NATD1: variants seen among roughly 807,000 people sequenced by gnomAD.
The protein encoded by NATD1 is protein NATD1.
Under a neutral mutation model 12.0 loss-of-function variants are expected in NATD1, and 9 were observed. The observed-to-expected ratio is 0.75, with a 90% confidence interval of 0.45 to 1.30. The LOEUF is 1.30. Ranked by LOEUF, NATD1 falls within the 50% of genes most tolerant of loss-of-function variation. The pLI is 0.00. For missense variants in NATD1, 148 were observed against 148.5 expected, an observed-to-expected ratio of 1.00 and a Z score of 0.02; for synonymous variants, 71 against 65.9, an observed-to-expected ratio of 1.08 and a Z score of -0.37.
At position 21,253,277 on chromosome 17, in the gene NATD1, C is replaced by T; in HGVS notation, c.-13G>A. 1 of 982,948 alleles carries T rather than the reference C, an allele frequency of 1.0e-6. No individual in the cohort carries two copies. Among genetic ancestry groups the T allele is most frequent in the African/African-American group, 1.8e-5 (1 of 56,748 alleles). 60.9% of individuals were successfully genotyped at this position (982,948 alleles called of 1,614,324 possible). A position where few individuals can be genotyped will look rare whatever the true frequency, so the allele number is the denominator to read the frequency against. On this transcript the variant is annotated 5_prime_UTR_variant, in exon 1 of 3. Coordinates refer to ENST00000611551, the MANE Select transcript of NATD1 (RefSeq NM_152914.3). ...CCGAGTGCGCCATCTGCGCGCGGGG[C>T]TGCGGCGCGGCGCCGGCGGGGGCCG...
At chr17:21,248,632 G>C (rs942237241) in intron 1 of NATD1, among the ~76,000 whole-genome samples, 3 of 152,192 alleles carry the variant, frequency 2.0e-5, no homozygotes, top group Admixed American at 2.0e-4. Flanking sequence ...TCACTTCTGG[G>C]CACTGTGGAT....
rs1035448051 is a variant in NATD1, at chr17:21,239,227, C to G, written c.*4086G>C. On this transcript the variant is annotated 3_prime_UTR_variant, in exon 3 of 3. Transcript: ENST00000611551. ...CTGGCTAGCTGCTCACCTTATGGCT[C>G]GAGGCAGGACCCCCCCGCAGCCTTG... 1.8e-5 allele frequency: 1 copy of G among 55,622 alleles called. No individual in the cohort carries two copies. Among genetic ancestry groups the G allele is most frequent in the African/African-American group, 1.4e-4 (1 of 6,946 alleles). 3.4% of individuals were successfully genotyped at this position (55,622 alleles called of 1,614,324 possible). A position where few individuals can be genotyped will look rare whatever the true frequency, so the allele number is the denominator to read the frequency against.
At chr17:21,245,038 A>G (rs902117364) in intron 1 of NATD1, among the ~76,000 whole-genome samples, 1 of 152,208 alleles carries the variant, frequency 6.6e-6, no homozygotes, top group Non-Finnish European at 1.5e-5. Context: ...TCCTACCCCC[A>G]TGAAACCGGA....
At chr17:21,243,786 TA>T (rs1975301314) in intron 2 of NATD1, among the ~76,000 whole-genome samples, 1 of 152,192 alleles carries the variant, frequency 6.6e-6, no homozygotes, top group African/African-American at 2.4e-5. Flanking sequence ...GCTCTGGCTG[TA>T]ACTCCCTTCA....
chr17:21,248,101 T>G (rs920143812), intron 1 of NATD1, among the ~76,000 whole-genome samples: 2 of 152,062 alleles, frequency 1.3e-5, no homozygotes, highest in Non-Finnish European at 2.9e-5. Flanking sequence ...ATGGACACCC[T>G]ACATGGGCCA....
intron 1 of NATD1, among the ~76,000 whole-genome samples, chr17:21,248,083 G>A (rs1384747193): frequency 6.6e-5 from 10 of 152,240 alleles, no homozygotes; most frequent in South Asian, 4.1e-4. Flanking sequence ...GGAAAAGACC[G>A]AGTTTAAATG....
Position 21,243,264 on chromosome 17 carries a change from G to A in NATD1, c.*49C>T, listed in dbSNP as rs1255019694. On this transcript the variant is annotated 3_prime_UTR_variant, in exon 3 of 3. Coordinates refer to ENST00000611551, the MANE Select transcript of NATD1 (RefSeq NM_152914.3). ...CTGAGAGCACGTGGGGCCAGGCAAA[G>A]GCCACGTGGAAGAGTCCGGCAGGGA... 2.0e-6 allele frequency: 3 copies of A among 1,508,042 alleles called. No homozygotes were observed. Among genetic ancestry groups the A allele is most frequent in the South Asian group, 1.1e-5 (1 of 88,156 alleles). The allele number at this position is 1,508,042 out of a possible 1,614,324, so 93.4% of individuals were successfully genotyped here.
At position 21,238,952 on chromosome 17, in the gene NATD1, T is replaced by C. The variant is rs1034991988; in HGVS notation, c.*4361A>G. On this transcript the variant is annotated 3_prime_UTR_variant, in exon 3 of 3. Transcript: ENST00000611551. ...GAAAACATAACCCTAAATTTGATTCTGCAGGTTGCAGTTACAACACAAGTT... is the reference window on the plus strand; with the variant it reads ...GAAAACATAACCCTAAATTTGATTCCGCAGGTTGCAGTTACAACACAAGTT... 10 of 152,234 alleles carry C rather than the reference T, an allele frequency of 6.6e-5. No individual in the cohort carries two copies. The highest frequency in any genetic ancestry group is 2.2e-4 in the African/African-American group (9 of 41,442). 9.4% of individuals were successfully genotyped at this position (152,234 alleles called of 1,614,324 possible).
chr17:21,253,184 G>A lies in NATD1; in HGVS notation c.81C>T (p.Arg27=). ...CGTTGAGCCGGACAGTGAACTGGCG[G>A]CGCCGGCGGTCGTGCTCCACGCGGA... The part of the protein sequence containing the change: ...CPIRVEHDRR[R]RQFTVRLNGC... The change falls in exon 1 of 3, where the codon CGC becomes CGT. Residue 27 remains arginine, a synonymous_variant. Coordinates refer to ENST00000611551, the MANE Select transcript of NATD1 (RefSeq NM_152914.3). 1 of 1,018,328 alleles carries A rather than the reference G, an allele frequency of 9.8e-7. No homozygotes were observed. Among genetic ancestry groups the A allele is most frequent in the Non-Finnish European group, 1.2e-6 (1 of 852,780 alleles). The allele number at this position is 1,018,328 out of a possible 1,614,324, so 63.1% of individuals were successfully genotyped here. A position where few individuals can be genotyped will look rare whatever the true frequency, so the allele number is the denominator to read the frequency against.
In NATD1 at chr17:21,244,189, C is replaced by T. The variant is rs1463836824; in HGVS notation, c.142G>A (p.Val48Met). ...TGCAGGTCCACGATCCGCTTGCCCA[C>T]GTACTCATAGAGCAGGACGGCCCGG... ...HDRAVLLYEY[V>M]GKRIVDLQHT... Residue 48 changes from valine to methionine, a missense_variant, in exon 2 of 3, where the codon GTG becomes ATG. Transcript: ENST00000611551. This position sits in a 1 kb window ranked among gnomAD's most constrained non-coding sequence, Gnocchi z 5.2. The T allele has an allele frequency of 6.2e-6, 10 of 1,613,218 alleles. No homozygotes were observed. The highest frequency in any genetic ancestry group is 1.7e-5 in the Admixed American group (1 of 60,002).
intron 1 of NATD1, among the ~76,000 whole-genome samples, chr17:21,252,500 G>A (rs954094043): frequency 2.0e-5 from 3 of 152,210 alleles, no homozygotes; most frequent in Admixed American, 2.0e-4. Context: ...CCATTGCAGA[G>A]AGGGAGAAAC....
chr17:21,240,292 C>T lies in NATD1; in HGVS notation c.*3021G>A, dbSNP rs138587824. 6 of 152,346 alleles carry T rather than the reference C, an allele frequency of 3.9e-5. No individual in the cohort carries two copies. The highest frequency in any genetic ancestry group is 2.1e-4 in the South Asian group (1 of 4,832). The allele number at this position is 152,346 out of a possible 1,614,324, so 9.4% of individuals were successfully genotyped here. The stretch of plus-strand genomic sequence containing the variant: ...AGACCTCAGCCAAGCCCCAGTGACA[C>T]GCAGGGTCTCGCTCTCCACGCTGAA... On this transcript the variant is annotated 3_prime_UTR_variant, in exon 3 of 3. Coordinates refer to ENST00000611551, the MANE Select transcript of NATD1 (RefSeq NM_152914.3).
In NATD1 at chr17:21,244,206, A is replaced by T; in HGVS notation, c.125T>A (p.Val42Asp). 1 of 1,612,418 alleles carries T rather than the reference A, an allele frequency of 6.2e-7. No homozygotes were observed. ...CTTGCCCACGTACTCATAGAGCAGG[A>T]CGGCCCGGTCATGACATCCTGGGGG... ...VRLNGCHDRA[V>D]LLYEYVGKRI... The change falls in exon 2 of 3, where the codon GTC (valine) becomes GAC (aspartate). Residue 42 changes from valine to aspartate, a missense_variant. Coordinates refer to ENST00000611551, the MANE Select transcript of NATD1 (RefSeq NM_152914.3). The surrounding 1 kb of genome is among the most constrained non-coding windows in gnomAD (Gnocchi z 5.2).
At chr17:21,246,506 C>G (rs1190980495) in intron 1 of NATD1, among the ~76,000 whole-genome samples, 8 of 146,060 alleles carry the variant, frequency 5.5e-5, no homozygotes, top group African/African-American at 2.0e-4. Flanking sequence ...AAGGGCAAAA[C>G]TCCATCTCAA....
chr17:21,251,792 G>A (rs1031873971), intron 1 of NATD1, among the ~76,000 whole-genome samples: 20 of 152,184 alleles, frequency 1.3e-4, no homozygotes, highest in African/African-American at 4.8e-4. Flanking sequence ...CAGTCAGGAC[G>A]CCATCCCAGC....
rs1375832026 is a variant in NATD1, at chr17:21,242,977, T to C, written c.*336A>G. 5.8e-5 allele frequency: 13 copies of C among 223,430 alleles called. No individual in the cohort carries two copies. Among genetic ancestry groups the C allele is most frequent in the Non-Finnish European group, 1.8e-5 (2 of 112,880 alleles). 13.8% of individuals were successfully genotyped at this position (223,430 alleles called of 1,614,324 possible). ...AGAGGTGGCAGCAGGGGTCCCACAC[T>C]GGCCCTCCTGCTGATCTCCAAGTGG... is the stretch of plus-strand genomic sequence containing the variant. On this transcript the variant is annotated 3_prime_UTR_variant, in exon 3 of 3. Transcript: ENST00000611551.
chr17:21,246,277 G>C (rs1597784610), intron 1 of NATD1, among the ~76,000 whole-genome samples: 1 of 152,294 alleles, frequency 6.6e-6, no homozygotes, highest in East Asian at 1.9e-4. Flanking sequence ...ACTTTGGGAG[G>C]CCGAGGTGGG....
intron 1 of NATD1, among the ~76,000 whole-genome samples, chr17:21,252,001 G>A (rs1334601794): frequency 6.6e-6 from 1 of 152,178 alleles, no homozygotes; most frequent in Non-Finnish European, 1.5e-5. Flanking sequence ...CCTGAGGGGG[G>A]ATGGGCTAAT....
intron 1 of NATD1, among the ~76,000 whole-genome samples, chr17:21,245,399 C>T (rs545542706): frequency 2.6e-5 from 4 of 152,250 alleles, no homozygotes; most frequent in Non-Finnish European, 4.4e-5. Context: ...AACTTCAAAG[C>T]CCCAGAAAAT....
Sources: allele counts gnomAD v4.1 joint callset (sites outside exome capture counted in the v4.1 genomes callset), GRCh38; gene constraint gnomAD v4.1.1; non-coding constraint Gnocchi (gnomAD v3.1); transcripts MANE v1.5; gene names NCBI Gene and HGNC (gene_info 2026-07-23, HGNC 2026-07-21).